Variants in ST7L observed in about 807,000 individuals in gnomAD.
ST7L encodes suppressor of tumorigenicity 7 protein-like.
Under a neutral mutation model 72.5 loss-of-function variants are expected in ST7L, and 57 were observed. That is an observed-to-expected ratio of 0.79 (90% confidence interval 0.64 to 0.98). ST7L has a LOEUF of 0.98. Among genes scored for constraint, ST7L ranks in the 50% least tolerant of loss-of-function variants. The pLI is 0.00. For missense variants in ST7L, 576 were observed against 672.2 expected (o/e 0.86, Z 1.58); for synonymous variants, 221 against 240.9 (o/e 0.92, Z 0.77).
chr1:112,529,674 A>G (rs1654042095), intron 14 of ST7L: 1 of 151,862 alleles, frequency 6.6e-6, no homozygotes, highest in Non-Finnish European at 1.5e-5. Context: ...TCAAAATGCA[A>G]TTTTAAAAAA....
intron 12 of ST7L, among the ~76,000 whole-genome samples, chr1:112,554,018 C>T (rs543331665): frequency 9.9e-5 from 15 of 152,280 alleles, no homozygotes; most frequent in African/African-American, 3.1e-4. Flanking sequence ...CCATACCTAG[C>T]CTTGAATATT....
chr1:112,551,433 C>G (rs758232861), intron 12 of ST7L, among the ~76,000 whole-genome samples: 1 of 152,162 alleles, frequency 6.6e-6, no homozygotes, highest in Non-Finnish European at 1.5e-5. Flanking sequence ...CAGGTGTGAG[C>G]CACCGCGCCC....
chr1:112,617,813 A>T (rs1468922844), intron 1 of ST7L, among the ~76,000 whole-genome samples: 1 of 152,150 alleles, frequency 6.6e-6, no homozygotes, highest in African/African-American at 2.4e-5. Flanking sequence ...AATGTTGCAT[A>T]TGGTTAACGT....
At chr1:112,609,139 C>G (rs1452838835) in intron 3 of ST7L, among the ~76,000 whole-genome samples, 1 of 152,068 alleles carries the variant, frequency 6.6e-6, no homozygotes, top group Non-Finnish European at 1.5e-5. Flanking sequence ...CCAGCCTGGG[C>G]AACATACTGA....
rs1657969740 is a variant in ST7L, at chr1:112,550,709, C to A, written c.1397-16G>T. 6.3e-7 allele frequency: 1 copy of A among 1,592,340 alleles called. No homozygotes were observed. Among genetic ancestry groups the A allele is most frequent in the African/African-American group, 1.3e-5 (1 of 74,472 alleles). On this transcript the variant is annotated splice_polypyrimidine_tract_variant and intron_variant, in intron 12 of 14. Transcript: ENST00000358039. ...ATTCTAAAAGCTGAGGAAAAAAAAG[C>A]ATGTGTTGATACTCAATTCTGTCTC...
At chr1:112,534,419 G>A (rs2101251639) in intron 14 of ST7L, among the ~76,000 whole-genome samples, 1 of 152,238 alleles carries the variant, frequency 6.6e-6, no homozygotes, top group East Asian at 1.9e-4. Flanking sequence ...ATGTTCCCAT[G>A]GTTTCGGTAA....
At position 112,611,814 on chromosome 1, in the gene ST7L, A is replaced by G. The variant is rs377365575; in HGVS notation, c.289-811T>C. On this transcript the variant is annotated intron_variant, in intron 2 of 14. Transcript: ENST00000358039. ...CATCTCTACAGAAAAATATAAAAAT[A>G]AAATATTAGCTGGGTGAGGTGGTGC... Among the ~76,000 whole-genome samples the G allele has an allele frequency of 3.3e-5, 5 of 152,048 alleles. No homozygotes were observed. The East Asian group carries it at 9.7e-4, about 30-fold the overall frequency.
intron 13 of ST7L, among the ~76,000 whole-genome samples, chr1:112,549,362 C>T (rs1192870755): frequency 6.6e-6 from 1 of 152,180 alleles, no homozygotes; most frequent in Non-Finnish European, 1.5e-5. Context: ...CACTGCACTC[C>T]AGCCTGGGTG....
intron 6 of ST7L, among the ~76,000 whole-genome samples, chr1:112,588,939 T>A (rs1302543421): frequency 6.6e-6 from 1 of 152,156 alleles, no homozygotes; most frequent in Non-Finnish European, 1.5e-5. Context: ...CTCCTTAATT[T>A]TTTCCTGCTT....
chr1:112,589,026 C>A (rs1167699098), intron 6 of ST7L, among the ~76,000 whole-genome samples: 1 of 152,118 alleles, frequency 6.6e-6, no homozygotes, highest in Non-Finnish European at 1.5e-5. Flanking sequence ...CTGCTTGCTG[C>A]TGAACCCCTA....
chr1:112,567,436 C>T (rs1193410833), intron 11 of ST7L, among the ~76,000 whole-genome samples: 2 of 152,152 alleles, frequency 1.3e-5, no homozygotes, highest in East Asian at 3.8e-4. Context: ...TTAACACTAA[C>T]ATGAGCAGAC....
Position 112,524,440 on chromosome 1 carries a change from C to G in ST7L, c.*1573G>C, listed in dbSNP as rs1349947994. Reference sequence around the variant, plus strand: ...GAGAACAATGTGATGCATTCCTGGGCAGGTCGGTGGGACCCTGGGCGCCTG... The same window carrying G: ...GAGAACAATGTGATGCATTCCTGGGGAGGTCGGTGGGACCCTGGGCGCCTG... On this transcript the variant is annotated 3_prime_UTR_variant, in exon 15 of 15. Transcript: ENST00000358039. 6.5e-6 allele frequency: 1 copy of G among 152,788 alleles called. No individual in the cohort carries two copies. The highest frequency in any genetic ancestry group is 1.5e-5 in the Non-Finnish European group (1 of 68,222). The allele number at this position is 152,788 out of a possible 1,614,324, so 9.5% of individuals were successfully genotyped here. A position where few individuals can be genotyped will look rare whatever the true frequency, so the allele number is the denominator to read the frequency against.
chr1:112,521,139 T>C (rs1652846757), downstream of ST7L: 1 of 153,242 alleles, frequency 6.5e-6, no homozygotes, highest in East Asian at 1.9e-4. Context: ...TTCTCTCTTT[T>C]TCTCTCTACC....
upstream of ST7L, chr1:112,619,208 C>G: frequency 7.9e-7 from 1 of 1,268,674 alleles, no homozygotes; most frequent in Non-Finnish European, 1.1e-6. Flanking sequence ...TGAAGTTGGC[C>G]TCTGTGAAGG....
chr1:112,573,272 C>T (rs557360106), intron 11 of ST7L, among the ~76,000 whole-genome samples: 7 of 147,476 alleles, frequency 4.7e-5, no homozygotes, highest in Non-Finnish European at 7.4e-5. Flanking sequence ...CACCTGAACC[C>T]GGGAGGTGGA....
At chr1:112,616,163 C>T (rs1323584769) in intron 2 of ST7L, among the ~76,000 whole-genome samples, 1 of 152,120 alleles carries the variant, frequency 6.6e-6, no homozygotes, top group East Asian at 1.9e-4. Flanking sequence ...CTACCCAGTC[C>T]TCAAAGAAAT....
In ST7L at chr1:112,560,981, A is replaced by C. The variant is rs977339635; in HGVS notation, c.1246-4963T>G. On this transcript the variant is annotated intron_variant, in intron 11 of 14. Transcript: ENST00000358039. ...TACATCTTAAAGAAAAAAAAAAAAA[A>C]AAACTTATTAACTGAGTTAATCTGA... Among the ~76,000 whole-genome samples, 8 of 152,056 alleles carry C rather than the reference A, an allele frequency of 5.3e-5. No individual in the cohort carries two copies. The East Asian group carries it at 5.8e-4, about 11-fold the overall frequency.
At chr1:112,520,477 C>G, downstream of ST7L, 2 of 1,614,146 alleles carry the variant, frequency 1.2e-6, no homozygotes, top group Non-Finnish European at 1.7e-6. Context: ...TTGCAAAGCC[C>G]CCAAGAAGGC....
intron 11 of ST7L, among the ~76,000 whole-genome samples, chr1:112,558,556 G>A (rs1446311565): frequency 6.6e-6 from 1 of 152,026 alleles, no homozygotes; most frequent in Non-Finnish European, 1.5e-5. Context: ...TGATGTCTTT[G>A]GCTCTGTTCT....
Sources: allele counts gnomAD v4.1 joint callset (sites outside exome capture counted in the v4.1 genomes callset), GRCh38; gene constraint gnomAD v4.1.1; transcripts MANE v1.5; gene names NCBI Gene and HGNC (gene_info 2026-07-23, HGNC 2026-07-21).